Variants in PDE4D observed in about 807,000 individuals in gnomAD.
The protein encoded by PDE4D is 3',5'-cyclic-AMP phosphodiesterase 4D.
PDE4D carries 24 observed loss-of-function variants against 87.4 expected under a neutral mutation model. That is an observed-to-expected ratio of 0.27 (90% CI 0.20 to 0.39). The LOEUF is 0.39. Among genes scored for constraint, PDE4D ranks in the 10% least tolerant of loss-of-function variants. The pLI is 1.00. For missense variants in PDE4D, 714 were observed against 1,041.0 expected (o/e 0.69, Z 4.32); for synonymous variants, 384 against 383.2 (o/e 1.00, Z -0.02).
intron 2 of PDE4D, among the ~76,000 whole-genome samples, chr5:60,085,057 T>C (rs796714506): frequency 5.3e-5 from 8 of 152,308 alleles, no homozygotes; most frequent in African/African-American, 1.9e-4. Flanking sequence ...TAATCTACTT[T>C]GAAAAAGAGA....
chr5:59,051,267 G>A (rs1040759038), intron 5 of PDE4D, among the ~76,000 whole-genome samples: 4 of 152,194 alleles, frequency 2.6e-5, no homozygotes, highest in African/African-American at 9.7e-5. Flanking sequence ...CAGCTTCTTG[G>A]GAGGCTGAGG....
rs58999471 is a variant in PDE4D at position 58,975,898 on chromosome 5, C to CAAA, written c.1831-62_1831-60dup. ...TGTTCCTTTTTTTTAAAAAAAAAAA[C>CAAA]AAAAAAAACTAGAAATTCACATTGG... On this transcript the variant is annotated intron_variant, in intron 13 of 14. Coordinates refer to ENST00000340635, the MANE Select transcript of PDE4D (RefSeq NM_001104631.2). The surrounding 1 kb of genome is among the most constrained non-coding windows in gnomAD (Gnocchi z 4.2). The CAAA allele has an allele frequency of 1.4e-3, 1,236 of 874,514 alleles. 3 individuals are homozygous for CAAA. Among genetic ancestry groups the CAAA allele is most frequent in the Non-Finnish European group, 1.6e-3 (1,021 of 623,068 alleles). The allele number at this position is 874,514 out of a possible 1,614,324, so 54.2% of individuals were successfully genotyped here. A position where few individuals can be genotyped will look rare whatever the true frequency, so the allele number is the denominator to read the frequency against.
intron 1 of PDE4D, among the ~76,000 whole-genome samples, chr5:59,620,452 A>G (rs892918192): frequency 1.1e-4 from 17 of 152,206 alleles, no homozygotes; most frequent in Non-Finnish European, 2.4e-4. Flanking sequence ...AACTATGCTT[A>G]GAGTGTGGGA....
intron 6 of PDE4D, among the ~76,000 whole-genome samples, chr5:59,024,420 A>G (rs1755834724): frequency 6.6e-6 from 1 of 150,980 alleles, no homozygotes. Context: ...GCTAGTCTCT[A>G]ACTCCTGACC....
intron 6 of PDE4D, among the ~76,000 whole-genome samples, chr5:59,003,890 G>A (rs1051823964): frequency 1.6e-4 from 24 of 152,104 alleles, no homozygotes; most frequent in African/African-American, 5.8e-4. Context: ...CTGAAGAACA[G>A]GTGGAAGTGT....
chr5:59,584,251 A>C (rs1368566605), intron 1 of PDE4D, among the ~76,000 whole-genome samples: 1 of 152,220 alleles, frequency 6.6e-6, no homozygotes, highest in African/African-American at 2.4e-5. Flanking sequence ...AACAACAACC[A>C]TTGAGAAAGT....
intron 11 of PDE4D, among the ~76,000 whole-genome samples, chr5:58,979,282 AC>A (rs1406016053): frequency 6.6e-6 from 1 of 152,162 alleles, no homozygotes; most frequent in African/African-American, 2.4e-5. Context: ...TTATCTCCTG[AC>A]ACTTAAAGAG....
intron 1 of PDE4D, among the ~76,000 whole-genome samples, chr5:59,706,664 A>C (rs1753449352): frequency 6.6e-6 from 1 of 152,186 alleles, no homozygotes; most frequent in African/African-American, 2.4e-5. Flanking sequence ...AATGAATTCT[A>C]GAATGTATCC....
chr5:60,516,248 C>T (rs1400130736), intron 1 of PDE4D, among the ~76,000 whole-genome samples: 1 of 152,198 alleles, frequency 6.6e-6, no homozygotes, highest in Non-Finnish European at 1.5e-5. Flanking sequence ...ATGAAGGTTA[C>T]CAGGGCTCAG....
At chr5:60,101,557 A>T (rs1776219038) in intron 2 of PDE4D, among the ~76,000 whole-genome samples, 1 of 152,084 alleles carries the variant, frequency 6.6e-6, no homozygotes, top group South Asian at 2.1e-4. Context: ...AATCATCAGC[A>T]TTTTCTCATC....
chr5:59,365,122 TA>T (rs1184559615), intron 1 of PDE4D, among the ~76,000 whole-genome samples: 2 of 152,040 alleles, frequency 1.3e-5, no homozygotes, highest in African/African-American at 4.8e-5. Context: ...TTTATAGAAA[TA>T]AAAAATAACA....
At chr5:60,508,859 A>G (rs1750435281) in intron 1 of PDE4D, among the ~76,000 whole-genome samples, 1 of 151,876 alleles carries the variant, frequency 6.6e-6, no homozygotes, top group African/African-American at 2.4e-5. Context: ...CAACATGCAG[A>G]TTTCTCTTTT....
intron 1 of PDE4D, among the ~76,000 whole-genome samples, chr5:59,702,505 G>A (rs1580530208): frequency 6.6e-6 from 1 of 152,220 alleles, no homozygotes; most frequent in East Asian, 1.9e-4. Context: ...AGTGAGCCGT[G>A]ATCATGCAAC....
At chr5:59,143,304 C>T (rs771798780) in intron 5 of PDE4D, among the ~76,000 whole-genome samples, 4 of 152,038 alleles carry the variant, frequency 2.6e-5, no homozygotes, top group Admixed American at 2.0e-4. Flanking sequence ...ACTTCAGTTG[C>T]CTTGACTAGT....
intron 1 of PDE4D, among the ~76,000 whole-genome samples, chr5:59,651,247 C>T (rs560952214): frequency 2.2e-4 from 31 of 140,060 alleles, no homozygotes; most frequent in African/African-American, 8.3e-4. Flanking sequence ...CAGAGTGAGA[C>T]TCTGTCTCAA....
chr5:60,259,729 C>A (rs539920252), intron 1 of PDE4D, among the ~76,000 whole-genome samples: 1 of 152,062 alleles, frequency 6.6e-6, no homozygotes, highest in Non-Finnish European at 1.5e-5. Context: ...GGTATAAGCA[C>A]AGGAATAGAC....
At chr5:59,909,624 A>G (rs565083644) in intron 3 of PDE4D, among the ~76,000 whole-genome samples, 1 of 152,192 alleles carries the variant, frequency 6.6e-6, no homozygotes, top group South Asian at 2.1e-4. Flanking sequence ...GACTCAAGCA[A>G]TCCACCCACC....
intron 1 of PDE4D, among the ~76,000 whole-genome samples, chr5:60,443,085 T>C (rs1441906785): frequency 1.3e-5 from 2 of 152,114 alleles, no homozygotes; most frequent in Admixed American, 6.6e-5. Flanking sequence ...TTGAGTGTGA[T>C]AGACATTAAG....
chr5:60,473,517 T>C (rs768406275), intron 1 of PDE4D, among the ~76,000 whole-genome samples: 90 of 152,190 alleles, frequency 5.9e-4, no homozygotes, highest in Non-Finnish European at 3.5e-4. Flanking sequence ...ATGTTAACAA[T>C]TGGTAAATTC....
Sources: gnomAD v4.1 joint callset for allele counts (sites outside exome capture counted in the v4.1 genomes callset) on GRCh38, gnomAD v4.1.1 for gene constraint, Gnocchi (gnomAD v3.1) non-coding constraint, MANE v1.5 for transcripts, NCBI Gene and HGNC (gene_info 2026-07-23, HGNC 2026-07-21) for gene names.